Variants in ZDHHC11B observed in about 807,000 individuals in gnomAD.
The protein encoded by ZDHHC11B is probable palmitoyltransferase ZDHHC11B.
A neutral mutation model predicts 42.3 loss-of-function variants in ZDHHC11B; 17 were observed. That is an observed-to-expected ratio of 0.40 (90% CI 0.27 to 0.60). The LOEUF (loss-of-function observed/expected upper bound fraction) is 0.60, where lower values mean the gene tolerates loss of function less well. Among genes scored for constraint, ZDHHC11B ranks in the 20% least tolerant of loss-of-function variants. The pLI is 0.41. For synonymous variants in ZDHHC11B, 123 were observed against 193.5 expected (o/e 0.64, Z 3.02); for missense variants, 262 against 463.2 (o/e 0.57, Z 3.99).
intron 1 of ZDHHC11B, among the ~76,000 whole-genome samples, chr5:772,375 T>G (rs1736133720): frequency 6.9e-6 from 1 of 145,252 alleles, no homozygotes; most frequent in Non-Finnish European, 1.6e-5. Flanking sequence ...GGAACAGGGG[T>G]CAGACCATCG....
intron 1 of ZDHHC11B, among the ~76,000 whole-genome samples, chr5:780,890 G>A (rs1334610632): frequency 1.3e-5 from 2 of 151,662 alleles, no homozygotes; most frequent in Admixed American, 6.6e-5. Flanking sequence ...GCCGGTGTGC[G>A]CAGGAGAGGG....
intron 8 of ZDHHC11B, among the ~76,000 whole-genome samples, chr5:746,024 G>A (rs1391521604): frequency 6.7e-6 from 1 of 149,958 alleles, no homozygotes; most frequent in African/African-American, 2.4e-5. Flanking sequence ...TATCCACCTG[G>A]CCTGTCCTGC....
intron 6 of ZDHHC11B, among the ~76,000 whole-genome samples, chr5:754,648 T>C (rs1294012757): frequency 1.2e-5 from 1 of 84,094 alleles, no homozygotes; most frequent in Non-Finnish European, 2.5e-5. Context: ...TGCCCTTCCG[T>C]GGCCCCACCC....
In ZDHHC11B at chr5:748,658, T is replaced by A; in HGVS notation, c.629-99A>T. The A allele has an allele frequency of 2.5e-6, 3 of 1,213,546 alleles. No homozygotes were observed. The South Asian group carries it at 5.7e-5, about 23-fold the overall frequency. 75.2% of individuals were successfully genotyped at this position (1,213,546 alleles called of 1,614,324 possible). ...AGAGCTTGCTGGGGATGGGGCGGCG[T>A]GGAGACAGCCAGCACGAGGGATGCC... On this transcript the variant is annotated intron_variant, in intron 7 of 13. Transcript: ENST00000508859.
intron 11 of ZDHHC11B, chr5:732,716 C>T: frequency 2.4e-6 from 1 of 423,742 alleles, no homozygotes; most frequent in South Asian, 1.7e-5. Flanking sequence ...AACTGGCCCC[C>T]TCACAAATCC....
At chr5:783,843 C>G (rs1417615125) in intron 1 of ZDHHC11B, among the ~76,000 whole-genome samples, 1 of 141,878 alleles carries the variant, frequency 7.0e-6, no homozygotes, top group Middle Eastern at 3.2e-3. Context: ...CAAACCCCAT[C>G]AAAACAGCAG....
In ZDHHC11B at chr5:748,540, C is replaced by G; in HGVS notation, c.648G>C (p.Thr216=). Residue 216 remains threonine, a synonymous_variant, in exon 8 of 14, where the codon ACG becomes ACC. Coordinates refer to ENST00000508859, the MANE Select transcript of ZDHHC11B (RefSeq NM_001351303.2). ...PRYEDVKNMN[T]WLLFLPLFPV... is the part of the protein sequence containing the mutation. ...GGAACAGGGGGAGGAACAGCAGCCA[C>G]GTGTTCATATTCTTGACATCTGGGG... The G allele has an allele frequency of 7.3e-7, 1 of 1,364,564 alleles. No homozygotes were observed. Among genetic ancestry groups the G allele is most frequent in the Non-Finnish European group, 9.8e-7 (1 of 1,024,962 alleles). 84.5% of individuals were successfully genotyped at this position (1,364,564 alleles called of 1,614,324 possible).
chr5:774,027 C>A (rs1736264884), intron 1 of ZDHHC11B, among the ~76,000 whole-genome samples: 1 of 151,882 alleles, frequency 6.6e-6, no homozygotes, highest in Non-Finnish European at 1.5e-5. Context: ...TCCGAAGCAT[C>A]CTCGCTGGCC....
chr5:783,588 C>A (rs1376796016), intron 1 of ZDHHC11B, among the ~76,000 whole-genome samples: 1 of 152,196 alleles, frequency 6.6e-6, no homozygotes, highest in Non-Finnish European at 1.5e-5. Flanking sequence ...AGCGGTGACA[C>A]TGAGAGGGAA....
rs549841174 is a variant in ZDHHC11B at position 725,276 on chromosome 5, G to T, written c.1058+5158C>A. 3.3e-3 allele frequency among the ~76,000 whole-genome samples: 467 copies of T among 141,390 alleles called. 3 individuals are homozygous for T. Among genetic ancestry groups the T allele is most frequent in the African/African-American group, 0.013 (448 of 35,022 alleles). The allele number at this position is 141,390 out of a possible 152,430, so 92.8% of individuals were successfully genotyped here. Reference sequence around the variant, plus strand: ...GCCTTGAGCTGGGACTTCCCCTGCTGTGTGAGGACAACCAGAGGAGGCCGT... The same window carrying T: ...GCCTTGAGCTGGGACTTCCCCTGCTTTGTGAGGACAACCAGAGGAGGCCGT... On this transcript the variant is annotated intron_variant, in intron 12 of 13. Transcript: ENST00000508859.
intron 1 of ZDHHC11B, among the ~76,000 whole-genome samples, chr5:773,079 G>T (rs1245526051): frequency 1.6e-4 from 24 of 152,010 alleles, no homozygotes; most frequent in African/African-American, 4.8e-4. Flanking sequence ...GCACTGTCTG[G>T]ATCGCTTCAT....
chr5:748,811 G>A (rs11134218), intron 7 of ZDHHC11B, among the ~76,000 whole-genome samples: 82,089 of 126,588 alleles, frequency 0.65, 30,222 homozygotes, highest in Middle Eastern at 0.77. Flanking sequence ...AAGTGCCAGG[G>A]CTCCAGCATC....
At chr5:765,978 AGTGC>A (rs2150217326) in intron 4 of ZDHHC11B, among the ~76,000 whole-genome samples, 1 of 152,028 alleles carries the variant, frequency 6.6e-6, no homozygotes, top group Non-Finnish European at 1.5e-5. Flanking sequence ...ATATGGTTCC[AGTGC>A]CCCAAGGCAC....
In ZDHHC11B at chr5:730,932, T is replaced by C. The variant is rs641078; in HGVS notation, c.1024-464A>G. ...TGGGAGAAACCAACCCTGCAGACAC[T>C]GTGCTCTGGGACTTCCAGCCTGCAG... On this transcript the variant is annotated intron_variant, in intron 11 of 13. Coordinates refer to ENST00000508859, the MANE Select transcript of ZDHHC11B (RefSeq NM_001351303.2). Among the ~76,000 whole-genome samples the C allele has an allele frequency of 6.1e-3, 873 of 142,858 alleles. 17 individuals are homozygous for C. The highest frequency in any genetic ancestry group is 0.019 in the African/African-American group (711 of 36,756). 93.7% of individuals were successfully genotyped at this position (142,858 alleles called of 152,430 possible).
intron 13 of ZDHHC11B, among the ~76,000 whole-genome samples, chr5:715,849 G>A (rs1299224227): frequency 2.0e-5 from 3 of 151,514 alleles, no homozygotes; most frequent in African/African-American, 7.3e-5. Flanking sequence ...CATTCCTCAG[G>A]GCTCTATGGC....
chr5:750,551 C>G (rs1368978825), intron 7 of ZDHHC11B, among the ~76,000 whole-genome samples: 1 of 130,760 alleles, frequency 7.6e-6, no homozygotes, highest in Non-Finnish European at 1.7e-5. Flanking sequence ...GGCCCATTTC[C>G]CGAGGATGCT....
chr5:750,005 G>A (rs1302237904), intron 7 of ZDHHC11B, among the ~76,000 whole-genome samples: 1 of 113,538 alleles, frequency 8.8e-6, no homozygotes, highest in Non-Finnish European at 1.9e-5. Context: ...CGTGGAGCTG[G>A]CAAAGCTCAT....
intron 6 of ZDHHC11B, among the ~76,000 whole-genome samples, chr5:754,217 ACAC>A (rs1219513584): frequency 7.2e-5 from 7 of 97,496 alleles, no homozygotes; most frequent in African/African-American, 1.4e-4. Flanking sequence ...CTCAGGGGAA[ACAC>A]GTCTCATCTA....
chr5:751,941 G>C (rs538945324), intron 6 of ZDHHC11B, among the ~76,000 whole-genome samples: 2 of 119,064 alleles, frequency 1.7e-5, no homozygotes. Context: ...GATGCGGTGC[G>C]ACTCGCCCAA....
Sources: allele counts gnomAD v4.1 joint callset (sites outside exome capture counted in the v4.1 genomes callset), GRCh38; gene constraint gnomAD v4.1.1; transcripts MANE v1.5; gene names NCBI Gene and HGNC (gene_info 2026-07-23, HGNC 2026-07-21).